The following GRID2 variants were observed in gnomAD, a reference collection of about 807,000 sequenced individuals.
The protein encoded by GRID2 is glutamate ionotropic receptor delta type subunit 2, also known as glutamate receptor ionotropic, delta-2.
In GRID2, 33 loss-of-function variants were observed where a neutral mutation model predicts 114.8. The ratio of observed to expected loss-of-function variants is 0.29; its 90% confidence interval spans 0.22 to 0.38. The LOEUF is 0.38. GRID2 is among the 10% of genes least tolerant of loss of function. The pLI, the probability that GRID2 is intolerant of heterozygous loss-of-function variation, is 1.00. For synonymous variants in GRID2, 505 were observed against 449.9 expected, an observed-to-expected ratio of 1.12 and a Z score of -1.55; for missense variants, 1,184 against 1,257.7, an observed-to-expected ratio of 0.94 and a Z score of 0.89.
At chr4:93,497,911 G>A (rs1727705837) in intron 12 of GRID2, among the ~76,000 whole-genome samples, 1 of 151,822 alleles carries the variant, frequency 6.6e-6, no homozygotes, top group African/African-American at 2.4e-5. Context: ...ATAAATTGGA[G>A]TGAGAATTCA....
At chr4:92,578,902 G>A (rs1365424132) in intron 1 of GRID2, among the ~76,000 whole-genome samples, 1 of 152,094 alleles carries the variant, frequency 6.6e-6, no homozygotes, top group Non-Finnish European at 1.5e-5. Context: ...CGAGGTCACT[G>A]TAAATTTTCA....
At chr4:93,546,618 T>A (rs1235125264) in intron 13 of GRID2, among the ~76,000 whole-genome samples, 1 of 152,142 alleles carries the variant, frequency 6.6e-6, no homozygotes, top group Non-Finnish European at 1.5e-5. Flanking sequence ...CTGTGAACAA[T>A]TTTTCTATCT....
intron 2 of GRID2, among the ~76,000 whole-genome samples, chr4:93,044,183 C>T (rs1020388136): frequency 2.6e-5 from 4 of 152,090 alleles, no homozygotes; most frequent in Middle Eastern, 3.4e-3. Flanking sequence ...GAGAAAGCTT[C>T]GTAGAGTTTA....
intron 13 of GRID2, among the ~76,000 whole-genome samples, chr4:93,560,235 A>C (rs938612921): frequency 4.7e-5 from 7 of 147,680 alleles, no homozygotes; most frequent in African/African-American, 1.5e-4. Flanking sequence ...AAAAAAAAAA[A>C]AAAAAAAAAA....
chr4:93,211,915 G>A lies in GRID2; in HGVS notation c.789+4458G>A, dbSNP rs149187022. ...TACTTTCAAATTATTCCATTCACCC[G>A]CATACTTATTCTCATTCATCCACTT... is the stretch of plus-strand genomic sequence containing the variant. On this transcript the variant is annotated intron_variant, in intron 5 of 15. Coordinates refer to ENST00000282020, the MANE Select transcript of GRID2 (RefSeq NM_001510.4). Among the ~76,000 whole-genome samples the A allele has an allele frequency of 2.2e-4, 33 of 152,000 alleles. No individual in the cohort carries two copies. The East Asian group carries it at 5.8e-3, about 27-fold the overall frequency.
Position 93,178,032 on chromosome 4 carries a change from G to A in GRID2, c.736-29372G>A, listed in dbSNP as rs146288358. Among the ~76,000 whole-genome samples, 639 of 146,004 alleles carry A rather than the reference G, an allele frequency of 4.4e-3. 8 individuals are homozygous for A. Among genetic ancestry groups the A allele is most frequent in the African/African-American group, 0.015 (609 of 39,490 alleles). ...TAATTTCTCTCTCTTTGCTACCTTC[G>A]TCCTTCAGTCTATAGCTATCGTATG... On this transcript the variant is annotated intron_variant, in intron 4 of 15. Transcript: ENST00000282020.
At chr4:93,797,842 G>GA (rs10536515) in intron 1 of GRID2, among the ~76,000 whole-genome samples, 23,609 of 127,834 alleles carry the variant, frequency 0.18, 2,424 homozygotes, top group Middle Eastern at 0.26. Context: ...TCCCCAGGAT[G>GA]AAAAAAAAAA....
chr4:93,460,352 T>G (rs1279634074), intron 11 of GRID2, among the ~76,000 whole-genome samples: 1 of 152,196 alleles, frequency 6.6e-6, no homozygotes, highest in Non-Finnish European at 1.5e-5. Flanking sequence ...GACTCTTTCC[T>G]AACTCTTCAC....
chr4:92,431,830 G>T lies in GRID2; in HGVS notation c.88+127086G>T, dbSNP rs762390575. 8.5e-5 allele frequency among the ~76,000 whole-genome samples: 13 copies of T among 152,160 alleles called. 1 individual carries two copies. The highest frequency in any genetic ancestry group is 1.3e-4 in the Admixed American group (2 of 15,276). ...GGCATTGAAGAGTTAGGTATTTATT[G>T]TAGTGTTCACAGTTTATGCTTGTTT... On this transcript the variant is annotated intron_variant, in intron 1 of 15. Transcript: ENST00000282020.
chr4:93,713,469 A>G (rs1386875656), intron 14 of GRID2, among the ~76,000 whole-genome samples: 1 of 152,044 alleles, frequency 6.6e-6, no homozygotes, highest in East Asian at 1.9e-4. Flanking sequence ...GCATTCAAAT[A>G]TTTAATGAGT....
intron 8 of GRID2, among the ~76,000 whole-genome samples, chr4:93,284,844 G>C: frequency 6.6e-6 from 1 of 151,840 alleles, no homozygotes; most frequent in Non-Finnish European, 1.5e-5. Flanking sequence ...AGCGAGACTT[G>C]GTTCCTTCAA....
intron 8 of GRID2, among the ~76,000 whole-genome samples, chr4:93,363,640 A>G (rs1479412552): frequency 4.5e-4 from 68 of 152,106 alleles, no homozygotes; most frequent in Non-Finnish European, 1.5e-4. Flanking sequence ...GACATAGAAC[A>G]TATGAATTTT....
intron 11 of GRID2, among the ~76,000 whole-genome samples, chr4:93,457,105 G>A (rs1029729851): frequency 1.3e-4 from 20 of 152,108 alleles, no homozygotes; most frequent in Non-Finnish European, 2.2e-4. Flanking sequence ...CCATCATTGC[G>A]CCACAACAGA....
At chr4:92,920,790 T>G (rs530265785) in intron 2 of GRID2, among the ~76,000 whole-genome samples, 5 of 152,206 alleles carry the variant, frequency 3.3e-5, no homozygotes, top group African/African-American at 1.2e-4. Context: ...ATTTTTTCCT[T>G]CATTTTAATT....
intron 2 of GRID2, among the ~76,000 whole-genome samples, chr4:92,715,849 T>C (rs962618530): frequency 3.3e-5 from 5 of 152,176 alleles, no homozygotes; most frequent in African/African-American, 9.7e-5. Flanking sequence ...GATAGCCTAC[T>C]AAAATATCAG....
At chr4:93,405,452 TCTC>T (rs922563222) in intron 9 of GRID2, among the ~76,000 whole-genome samples, 1 of 152,114 alleles carries the variant, frequency 6.6e-6, no homozygotes, top group Non-Finnish European at 1.5e-5. Flanking sequence ...ACCCTACTTT[TCTC>T]CTCTTGGAAG....
At position 92,676,197 on chromosome 4, in the gene GRID2, T is replaced by C. The variant is rs1191429241; in HGVS notation, c.244+85911T>C. Among the ~76,000 whole-genome samples, 10 of 132,578 alleles carry C rather than the reference T, an allele frequency of 7.5e-5. No homozygotes were observed. The Admixed American group carries it at 7.5e-4, about 10-fold the overall frequency. 87.0% of individuals were successfully genotyped at this position (132,578 alleles called of 152,430 possible). Reference sequence around the variant, plus strand: ...TTTTTTTTTGTGGTTGTTTTTGTTGTTGAGACAGAGTCTCGCTCTGTCGCC... The same window carrying C: ...TTTTTTTTTGTGGTTGTTTTTGTTGCTGAGACAGAGTCTCGCTCTGTCGCC... On this transcript the variant is annotated intron_variant, in intron 2 of 15. Transcript: ENST00000282020.
intron 2 of GRID2, among the ~76,000 whole-genome samples, chr4:92,871,139 A>T (rs565892645): frequency 1.3e-5 from 2 of 152,278 alleles, no homozygotes; most frequent in East Asian, 3.9e-4. Context: ...TAGAAACAAA[A>T]AGTCTTCTCT....
chr4:93,144,676 C>A lies in GRID2; in HGVS notation c.735+33723C>A, dbSNP rs373670648. 1.6e-4 allele frequency among the ~76,000 whole-genome samples: 24 copies of A among 152,282 alleles called. No homozygotes were observed. The East Asian group carries it at 3.1e-3, about 20-fold the overall frequency. On this transcript the variant is annotated intron_variant, in intron 4 of 15. Transcript: ENST00000282020. ...AGCAAAACATAAATGACAGGATAAT[C>A]ACCAAATCAGGTCAGAACCAGGGTT...
Sources: allele counts gnomAD v4.1 joint callset (sites outside exome capture counted in the v4.1 genomes callset), GRCh38; gene constraint gnomAD v4.1.1; transcripts MANE v1.5; gene names NCBI Gene and HGNC (gene_info 2026-07-23, HGNC 2026-07-21).